MARCHF1: variants seen among roughly 807,000 people sequenced by gnomAD.
MARCHF1 encodes membrane associated ring-CH-type finger 1, also known as E3 ubiquitin-protein ligase MARCHF1.
Under a neutral mutation model 54.2 loss-of-function variants are expected in MARCHF1, and 40 were observed. The ratio of observed to expected loss-of-function variants is 0.74; its 90% CI spans 0.57 to 0.96. MARCHF1 has a LOEUF of 0.96. Ranked by LOEUF, MARCHF1 falls within the 40% of genes least tolerant of loss-of-function variation. The pLI is 0.00. For missense variants in MARCHF1, 586 were observed against 656.5 expected, an observed-to-expected ratio of 0.89 and a Z score of 1.17; for synonymous variants, 236 against 236.3, an observed-to-expected ratio of 1.00 and a Z score of 0.01.
At chr4:163,600,549 A>G (rs1740930305) in intron 7 of MARCHF1, among the ~76,000 whole-genome samples, 1 of 152,148 alleles carries the variant, frequency 6.6e-6, no homozygotes, top group South Asian at 2.1e-4. Context: ...TGATGTGTGG[A>G]GCATTTTGAC....
At chr4:163,748,337 G>C (rs115059803) in intron 4 of MARCHF1, among the ~76,000 whole-genome samples, 3,588 of 151,270 alleles carry the variant, frequency 0.024, 58 homozygotes, top group Non-Finnish European at 0.029. Context: ...TGAGGTAAAG[G>C]CTACATTTAA....
intron 8 of MARCHF1, among the ~76,000 whole-genome samples, chr4:163,556,884 ATT>A (rs575344370): frequency 9.0e-5 from 13 of 144,096 alleles, no homozygotes; most frequent in African/African-American, 2.0e-4. Flanking sequence ...AAAACTGAAG[ATT>A]TTTTTTTTTT....
At chr4:164,032,559 C>T (rs1753900975) in intron 2 of MARCHF1, among the ~76,000 whole-genome samples, 1 of 152,122 alleles carries the variant, frequency 6.6e-6, no homozygotes, top group African/African-American at 2.4e-5. Context: ...TTTCATATAA[C>T]TTCTTGATTT....
intron 1 of MARCHF1, among the ~76,000 whole-genome samples, chr4:164,191,561 GATGGC>G (rs1731124710): frequency 6.6e-6 from 1 of 152,126 alleles, no homozygotes; most frequent in Non-Finnish European, 1.5e-5. Flanking sequence ...AAGTTTGAAT[GATGGC>G]TCTAAAGTTG....
At chr4:163,637,791 C>G (rs1742394889) in intron 5 of MARCHF1, among the ~76,000 whole-genome samples, 1 of 152,026 alleles carries the variant, frequency 6.6e-6, no homozygotes, top group South Asian at 2.1e-4. Flanking sequence ...GACACATGCA[C>G]ACGTATGTTT....
chr4:163,846,895 T>A (rs116489244), intron 4 of MARCHF1, among the ~76,000 whole-genome samples: 1,766 of 152,268 alleles, frequency 0.012, 46 homozygotes, highest in African/African-American at 0.041. Flanking sequence ...ATTTGTGGAA[T>A]GCATAAACAG....
chr4:163,608,061 C>T (rs1741201817), intron 7 of MARCHF1, among the ~76,000 whole-genome samples: 1 of 152,128 alleles, frequency 6.6e-6, no homozygotes, highest in Admixed American at 6.6e-5. Flanking sequence ...AGCTATCATT[C>T]AAAAACTATG....
At chr4:164,366,075 G>A (rs1238391458) in intron 1 of MARCHF1, among the ~76,000 whole-genome samples, 9 of 151,590 alleles carry the variant, frequency 5.9e-5, no homozygotes, top group African/African-American at 2.2e-4. Flanking sequence ...ATTATTACCA[G>A]AAAAAAAGGA....
intron 1 of MARCHF1, chr4:164,135,480 C>T (rs1451673921): frequency 6.6e-6 from 1 of 152,166 alleles, no homozygotes; most frequent in Non-Finnish European, 1.5e-5. Flanking sequence ...GGGAAGCAAA[C>T]ACATCCTTCT....
intron 3 of MARCHF1, among the ~76,000 whole-genome samples, chr4:163,925,452 C>A (rs1751516941): frequency 6.6e-6 from 1 of 151,800 alleles, no homozygotes; most frequent in Non-Finnish European, 1.5e-5. Flanking sequence ...CAATAGTTAT[C>A]TAACAATGGA....
intron 5 of MARCHF1, among the ~76,000 whole-genome samples, chr4:163,661,654 G>A (rs1033654984): frequency 1.3e-5 from 2 of 151,948 alleles, no homozygotes; most frequent in African/African-American, 4.8e-5. Flanking sequence ...CATATTTAAA[G>A]CATACAATTT....
intron 1 of MARCHF1, among the ~76,000 whole-genome samples, chr4:164,372,191 T>C (rs1306563614): frequency 6.6e-6 from 1 of 152,216 alleles, no homozygotes; most frequent in Admixed American, 6.5e-5. Flanking sequence ...CAAAATATCG[T>C]GATTAATGAT....
chr4:164,215,754 G>A (rs113556193), intron 1 of MARCHF1, among the ~76,000 whole-genome samples: 3 of 152,252 alleles, frequency 2.0e-5, no homozygotes, highest in African/African-American at 7.2e-5. Context: ...CAGAGCACAA[G>A]GACAAAAGCC....
chr4:164,289,936 G>T (rs1205523641), intron 1 of MARCHF1, among the ~76,000 whole-genome samples: 1 of 151,838 alleles, frequency 6.6e-6, no homozygotes, highest in East Asian at 1.9e-4. Flanking sequence ...TCTGTTACTT[G>T]TTTCTTAATT....
chr4:163,884,024 CT>C, intron 3 of MARCHF1, among the ~76,000 whole-genome samples: 1 of 152,076 alleles, frequency 6.6e-6, no homozygotes, highest in Non-Finnish European at 1.5e-5. Context: ...AAAATAGCTC[CT>C]CATATGGTGT....
At chr4:164,296,390 G>C (rs1204172245) in intron 1 of MARCHF1, among the ~76,000 whole-genome samples, 1 of 151,992 alleles carries the variant, frequency 6.6e-6, no homozygotes, top group East Asian at 1.9e-4. Context: ...TAATTTTTCT[G>C]GAGAGCGAGT....
intron 7 of MARCHF1, among the ~76,000 whole-genome samples, chr4:163,602,014 A>C (rs1740988167): frequency 6.6e-6 from 1 of 152,050 alleles, no homozygotes; most frequent in Admixed American, 6.6e-5. Flanking sequence ...AGAAAAAAAA[A>C]ACTGCTAAGA....
At chr4:164,101,801 G>C (rs1411057645) in intron 2 of MARCHF1, among the ~76,000 whole-genome samples, 1 of 150,042 alleles carries the variant, frequency 6.7e-6, no homozygotes, top group African/African-American at 2.4e-5. Context: ...GGCTTCAGAC[G>C]ATCAAATTAC....
chr4:163,870,978 G>A (rs1750156473), intron 3 of MARCHF1, among the ~76,000 whole-genome samples: 2 of 152,152 alleles, frequency 1.3e-5, no homozygotes, highest in Middle Eastern at 3.4e-3. Context: ...TAGCTATAAA[G>A]AACAAATTTT....
Sources: allele counts gnomAD v4.1 joint callset (sites outside exome capture counted in the v4.1 genomes callset), GRCh38; gene constraint gnomAD v4.1.1; transcripts MANE v1.5; gene names NCBI Gene and HGNC (gene_info 2026-07-23, HGNC 2026-07-21).